The following MPP7 variants were observed in gnomAD, a reference collection of about 807,000 sequenced individuals.
MPP7 encodes MAGUK p55 subfamily member 7.
In MPP7, 60 loss-of-function variants were observed where a neutral mutation model predicts 76.5. The ratio of observed to expected loss-of-function variants is 0.78; its 90% CI spans 0.64 to 0.97. The LOEUF is 0.97. Among genes scored for constraint, MPP7 ranks in the 50% least tolerant of loss-of-function variants. MPP7 has a pLI of 0.00. For synonymous variants in MPP7, 237 were observed against 244.5 expected (o/e 0.97, Z 0.29); for missense variants, 641 against 694.0 (o/e 0.92, Z 0.86).
At chr10:28,176,597 T>C (rs1461867900) in intron 3 of MPP7, among the ~76,000 whole-genome samples, 1 of 151,668 alleles carries the variant, frequency 6.6e-6, no homozygotes, top group Non-Finnish European at 1.5e-5. Context: ...ATTAGCCAGG[T>C]GTCATGGCAC....
chr10:28,096,436 C>G (rs1223011859), intron 11 of MPP7, among the ~76,000 whole-genome samples: 1 of 152,106 alleles, frequency 6.6e-6, no homozygotes, highest in East Asian at 1.9e-4. Context: ...TACTCACTTG[C>G]ATTTCTTACT....
At chr10:28,095,960 A>T (rs1166472933) in intron 11 of MPP7, among the ~76,000 whole-genome samples, 1 of 152,230 alleles carries the variant, frequency 6.6e-6, no homozygotes, top group Non-Finnish European at 1.5e-5. Flanking sequence ...ACAATAGGAA[A>T]GTGACTTCAG....
chr10:28,291,555 A>G (rs889415418), intron 1 of MPP7, among the ~76,000 whole-genome samples: 5 of 152,168 alleles, frequency 3.3e-5, no homozygotes. Flanking sequence ...GCAGTGAGCC[A>G]AAGATCGCAC....
chr10:28,120,127 G>A, intron 10 of MPP7, 67 bp downstream of exon 10: 2 of 1,488,710 alleles, frequency 1.3e-6, no homozygotes, highest in Non-Finnish European at 1.8e-6. Context: ...ATCAATGCCA[G>A]AATGATATTT....
At chr10:28,224,114 GGC>G (rs1438460723) in intron 2 of MPP7, among the ~76,000 whole-genome samples, 5 of 152,056 alleles carry the variant, frequency 3.3e-5, no homozygotes, top group Admixed American at 3.3e-4. Context: ...GAACCCAGGA[GGC>G]AGAGGTTGCA....
intron 16 of MPP7, among the ~76,000 whole-genome samples, chr10:28,055,803 T>C (rs1851530791): frequency 1.3e-5 from 2 of 152,206 alleles, no homozygotes; most frequent in African/African-American, 2.4e-5. Context: ...CTCTGAAAAT[T>C]AATTGGTCTA....
At chr10:28,142,742 A>C (rs1335639567) in intron 5 of MPP7, among the ~76,000 whole-genome samples, 1 of 152,164 alleles carries the variant, frequency 6.6e-6, no homozygotes, top group Non-Finnish European at 1.5e-5. Flanking sequence ...AAAAAAGAGA[A>C]AGAATATTAG....
At chr10:28,058,806 C>T (rs1475748512) in intron 14 of MPP7, among the ~76,000 whole-genome samples, 1 of 152,148 alleles carries the variant, frequency 6.6e-6, no homozygotes, top group Non-Finnish European at 1.5e-5. Context: ...GTAACACTTG[C>T]TTAAATTACA....
intron 1 of MPP7, among the ~76,000 whole-genome samples, chr10:28,331,539 A>G (rs938674112): frequency 1.3e-5 from 2 of 152,150 alleles, no homozygotes; most frequent in African/African-American, 4.8e-5. Flanking sequence ...TATTTTTAAA[A>G]AGCAATTTTC....
intron 3 of MPP7, among the ~76,000 whole-genome samples, chr10:28,168,698 T>C (rs1378867089): frequency 6.6e-6 from 1 of 152,088 alleles, no homozygotes; most frequent in African/African-American, 2.4e-5. Flanking sequence ...TTTTGTATTT[T>C]TAGTAAACAC....
chr10:28,169,539 G>A (rs1836608340), intron 3 of MPP7, among the ~76,000 whole-genome samples: 2 of 152,016 alleles, frequency 1.3e-5, no homozygotes, highest in African/African-American at 2.4e-5. Flanking sequence ...ATTAATACAC[G>A]TTAGATAATT....
chr10:28,276,669 T>C (rs1840507536), intron 1 of MPP7, among the ~76,000 whole-genome samples: 1 of 152,102 alleles, frequency 6.6e-6, no homozygotes. Flanking sequence ...GCGCAAGTCA[T>C]GCACACGTAG....
chr10:28,135,440 T>C (rs569752504), intron 5 of MPP7, among the ~76,000 whole-genome samples: 1 of 152,038 alleles, frequency 6.6e-6, no homozygotes, highest in South Asian at 2.1e-4. Context: ...TGGAGACAAT[T>C]TTTGATTGTC....
chr10:28,062,571 CACACACACACCAA>C (rs1851834768), intron 13 of MPP7, among the ~76,000 whole-genome samples: 1 of 125,174 alleles, frequency 8.0e-6, no homozygotes, highest in South Asian at 2.9e-4. Context: ...CACACACACA[CACACACACACCAA>C]AGGTTGGCTT....
At position 28,051,455 on chromosome 10, in the gene MPP7, G is replaced by C. The variant is rs1937806; in HGVS notation, c.*2610C>G. On this transcript the variant is annotated 3_prime_UTR_variant, in exon 17 of 17. Transcript: ENST00000683449. ...ATTTTACTTTCACCTTTTTATGTTT[G>C]ATTGACTACAGTCAATAATAGGAGT... 1.3e-5 allele frequency: 2 copies of C among 152,066 alleles called. No homozygotes were observed. Among genetic ancestry groups the C allele is most frequent in the Non-Finnish European group, 2.9e-5 (2 of 68,006 alleles). The allele number at this position is 152,066 out of a possible 1,614,324, so 9.4% of individuals were successfully genotyped here.
chr10:28,132,935 GGTTTTCTTTTCTCCACTTA>G (rs923130045), intron 5 of MPP7, among the ~76,000 whole-genome samples: 2 of 148,016 alleles, frequency 1.4e-5, no homozygotes, highest in African/African-American at 4.9e-5. Flanking sequence ...TATACCTAAA[GGTTTTCTTTTCTCCACTTA>G]GATCAGAGAT....
chr10:28,326,259 A>G (rs918980410), intron 2 of MPP7, among the ~76,000 whole-genome samples: 6 of 152,200 alleles, frequency 3.9e-5, no homozygotes, highest in African/African-American at 1.4e-4. Context: ...AGACACTGTC[A>G]CCAAAAGACC....
At chr10:28,082,423 C>G (rs1374680739) in intron 12 of MPP7, among the ~76,000 whole-genome samples, 1 of 151,310 alleles carries the variant, frequency 6.6e-6, no homozygotes, top group Non-Finnish European at 1.5e-5. Flanking sequence ...CCTCCTCCTT[C>G]TCTCCTTCTC....
intron 11 of MPP7, 64 bp from the exon 12 acceptor site, chr10:28,089,905 A>G: frequency 1.1e-6 from 1 of 884,366 alleles, no homozygotes; most frequent in Non-Finnish European, 1.7e-6. Flanking sequence ...CTCAAAAAAA[A>G]AAAACCCTCA....
Sources: gnomAD v4.1 joint callset for allele counts (sites outside exome capture counted in the v4.1 genomes callset) on GRCh38, gnomAD v4.1.1 for gene constraint, MANE v1.5 for transcripts, NCBI Gene and HGNC (gene_info 2026-07-23, HGNC 2026-07-21) for gene names.